CRIM1: variants seen among roughly 807,000 people sequenced by gnomAD.
The protein encoded by CRIM1 is cysteine rich transmembrane BMP regulator 1.
In CRIM1, 32 loss-of-function variants were observed where a neutral mutation model predicts 116.4. That is an observed-to-expected ratio of 0.27 (90% CI 0.21 to 0.37). The LOEUF is 0.37. Ranked by LOEUF, CRIM1 falls within the 10% of genes least tolerant of loss-of-function variation. The pLI, the probability that CRIM1 is intolerant of heterozygous loss-of-function variation, is 1.00. For missense variants in CRIM1, 1,331 were observed against 1,354.8 expected (o/e 0.98, Z 0.28); for synonymous variants, 590 against 509.2 (o/e 1.16, Z -2.13).
chr2:36,452,569 C>A, intron 4 of CRIM1, among the ~76,000 whole-genome samples: 1 of 152,114 alleles, frequency 6.6e-6, no homozygotes, highest in East Asian at 1.9e-4. Context: ...AATATGCTTT[C>A]CTAGAAGTAA....
Position 36,452,959 on chromosome 2 carries a change from A to G in CRIM1, c.869+10224A>G, listed in dbSNP as rs146468979. Among the ~76,000 whole-genome samples, 166 of 152,338 alleles carry G rather than the reference A, an allele frequency of 1.1e-3. 1 individual carries two copies. Among genetic ancestry groups the G allele is most frequent in the Non-Finnish European group, 2.0e-3 (137 of 68,026 alleles). ...AGGTCTCTCCATACCCTCTTTTGCT[A>G]TGTCATCATCATGGCACATGCAAAC... is the stretch of plus-strand genomic sequence containing the variant. On this transcript the variant is annotated intron_variant, in intron 4 of 16. Coordinates refer to ENST00000280527, the MANE Select transcript of CRIM1 (RefSeq NM_016441.3).
intron 2 of CRIM1, among the ~76,000 whole-genome samples, chr2:36,421,095 G>A (rs1159430954): frequency 2.0e-5 from 3 of 152,114 alleles, no homozygotes; most frequent in Non-Finnish European, 4.4e-5. Flanking sequence ...CCTTGGTCCC[G>A]CATAACTACT....
chr2:36,515,106 G>GA (rs1202404385), intron 11 of CRIM1, among the ~76,000 whole-genome samples: 1 of 152,170 alleles, frequency 6.6e-6, no homozygotes, highest in Non-Finnish European at 1.5e-5. Context: ...TTTGGGGAGG[G>GA]AAAAATCATG....
chr2:36,400,890 C>G (rs142572029), intron 2 of CRIM1, among the ~76,000 whole-genome samples: 158 of 152,142 alleles, frequency 1.0e-3, no homozygotes, highest in Admixed American at 2.1e-3. Flanking sequence ...TCTCGAATCT[C>G]TTACAGGAAG....
chr2:36,435,640 C>A (rs1675255039), intron 2 of CRIM1, among the ~76,000 whole-genome samples: 1 of 149,062 alleles, frequency 6.7e-6, no homozygotes, highest in Non-Finnish European at 1.5e-5. Context: ...TCATTACTTT[C>A]AATGGCAAAA....
At position 36,503,715 on chromosome 2, in the gene CRIM1, T is replaced by G. The variant is rs549163624; in HGVS notation, c.1501+4368T>G. ...TAGCCAACTATGGAATAATAGGTTG[T>G]TTTTTTTCTATTGCAGCTGCTTTAT... On this transcript the variant is annotated intron_variant, in intron 8 of 16. Transcript: ENST00000280527. Among the ~76,000 whole-genome samples the G allele has an allele frequency of 2.0e-4, 30 of 152,108 alleles. 2 individuals are homozygous for G. In the South Asian group the frequency reaches 4.2e-3, roughly 21 times the overall value.
chr2:36,431,462 G>A (rs954265507), intron 2 of CRIM1, among the ~76,000 whole-genome samples: 1 of 152,014 alleles, frequency 6.6e-6, no homozygotes, highest in South Asian at 2.1e-4. Context: ...ATCAACACAC[G>A]ATATTCTTTG....
chr2:36,446,300 G>T (rs1039790718), intron 4 of CRIM1, among the ~76,000 whole-genome samples: 6 of 152,096 alleles, frequency 3.9e-5, no homozygotes, highest in East Asian at 1.9e-4. Flanking sequence ...GTGTGAGCTT[G>T]ATTTGTTAGT....
chr2:36,386,134 C>T (rs966571848), intron 1 of CRIM1, among the ~76,000 whole-genome samples: 1 of 152,132 alleles, frequency 6.6e-6, no homozygotes, highest in Non-Finnish European at 1.5e-5. Context: ...ATTTGACTAA[C>T]AGATTTTAGG....
chr2:36,372,179 T>G (rs1253305465), intron 1 of CRIM1, among the ~76,000 whole-genome samples: 1 of 152,114 alleles, frequency 6.6e-6, no homozygotes, highest in East Asian at 1.9e-4. Flanking sequence ...AGGGTGGAAG[T>G]GTGTGACTGG....
chr2:36,514,263 T>C (rs1664893919), intron 11 of CRIM1, among the ~76,000 whole-genome samples: 1 of 152,218 alleles, frequency 6.6e-6, no homozygotes, highest in Non-Finnish European at 1.5e-5. Flanking sequence ...TGGAGAGATT[T>C]AGAGTGACCA....
At position 36,476,917 on chromosome 2, in the gene CRIM1, T is replaced by G. The variant is rs1247379397; in HGVS notation, c.1020T>G (p.Asn340Lys). Residue 340 changes from asparagine (N) to lysine (K), a missense_variant, in exon 6 of 17, where the codon AAT (asparagine) becomes AAG (lysine). By Grantham distance (94) the Asn-to-Lys change is moderately conservative. Around this residue, in one of 3 missense-constraint regions of CRIM1, gnomAD observed 690 missense variants for 676.0 expected, o/e 1.02. Transcript: ENST00000280527. ...CAAAGCCAGCCTGCGTATTTAACAA[T>G]GTGGAATATTATGATGGAGACATGT... is the stretch of plus-strand genomic sequence containing the variant. ...NDTKPACVFN[N>K]VEYYDGDMFR... The G allele has an allele frequency of 1.2e-6, 2 of 1,613,792 alleles. No individual in the cohort carries two copies. Among genetic ancestry groups the G allele is most frequent in the Non-Finnish European group, 8.5e-7 (1 of 1,179,846 alleles).
intron 9 of CRIM1, 108 bp from the exon 10 acceptor site, chr2:36,512,165 T>G (rs1191814947): frequency 8.4e-6 from 11 of 1,311,534 alleles, no homozygotes; most frequent in South Asian, 2.9e-5. Flanking sequence ...AAAAGTCAAG[T>G]CATTCTGTTT....
In CRIM1 at chr2:36,497,299, G is replaced by C. The variant is rs545329096; in HGVS notation, c.1373-1920G>C. Among the ~76,000 whole-genome samples the C allele has an allele frequency of 6.6e-5, 10 of 152,178 alleles. No individual in the cohort carries two copies. The South Asian group carries it at 2.1e-3, about 32-fold the overall frequency. ...AGAACATAGAAGTCCTTTCTCACTG[G>C]GATAACCTGTGGTGGGTTTACTTAA... On this transcript the variant is annotated intron_variant, in intron 7 of 16. Transcript: ENST00000280527.
At position 36,442,539 on chromosome 2, in the gene CRIM1, G is replaced by C. The variant is rs1356095963; in HGVS notation, c.749-76G>C. 11 of 1,568,282 alleles carry C rather than the reference G, an allele frequency of 7.0e-6. No individual in the cohort carries two copies. In the Admixed American group the frequency reaches 1.7e-4, roughly 24 times the overall value. On this transcript the variant is annotated intron_variant, in intron 3 of 16. Coordinates refer to ENST00000280527, the MANE Select transcript of CRIM1 (RefSeq NM_016441.3). Reference sequence around the variant, plus strand: ...AGGAGACTTTGGACATTTGTCAAGAGCTAGTATTTCATTTAGGGACTCCAA... The same window carrying C: ...AGGAGACTTTGGACATTTGTCAAGACCTAGTATTTCATTTAGGGACTCCAA...
intron 2 of CRIM1, among the ~76,000 whole-genome samples, chr2:36,397,782 A>T (rs952255223): frequency 1.3e-5 from 2 of 152,202 alleles, no homozygotes; most frequent in African/African-American, 4.8e-5. Flanking sequence ...TTCTCTTTGT[A>T]TTTACCAGTG....
intron 2 of CRIM1, among the ~76,000 whole-genome samples, chr2:36,422,496 G>C (rs980044388): frequency 6.6e-6 from 1 of 152,128 alleles, no homozygotes; most frequent in Non-Finnish European, 1.5e-5. Flanking sequence ...AAGCTTTGCT[G>C]TCAGCAGCTG....
At chr2:36,360,794 G>A (rs879464925) in intron 1 of CRIM1, among the ~76,000 whole-genome samples, 4 of 152,072 alleles carry the variant, frequency 2.6e-5, no homozygotes, top group Admixed American at 1.3e-4. Flanking sequence ...AAGAGTCCAC[G>A]AATTTTAATT....
At chr2:36,371,834 G>A (rs1163238806) in intron 1 of CRIM1, among the ~76,000 whole-genome samples, 5 of 152,120 alleles carry the variant, frequency 3.3e-5, no homozygotes, top group Admixed American at 3.3e-4. Context: ...ATACTAAACG[G>A]TTGAGATACT....
Sources: allele counts gnomAD v4.1 joint callset (sites outside exome capture counted in the v4.1 genomes callset), GRCh38; gene constraint gnomAD v4.1.1; regional missense constraint gnomAD v4.1.1; transcripts MANE v1.5; gene names NCBI Gene and HGNC (gene_info 2026-07-23, HGNC 2026-07-21).